TBXAS1: variants seen among roughly 807,000 people sequenced by gnomAD.
TBXAS1 encodes the protein thromboxane-A synthase.
In TBXAS1, 48 loss-of-function variants were observed where a neutral mutation model predicts 60.7. That is an observed-to-expected ratio of 0.79 (90% CI 0.63 to 1.01). The LOEUF is 1.01. Among genes scored for constraint, TBXAS1 ranks in the 50% least tolerant of loss-of-function variants. The pLI is 0.00. For synonymous variants in TBXAS1, 287 were observed against 269.7 expected (o/e 1.06, Z -0.63); for missense variants, 685 against 686.3 (o/e 1.00, Z 0.02).
chr7:139,860,954 A>G (rs1800916750), intron 1 of TBXAS1, among the ~76,000 whole-genome samples: 1 of 152,160 alleles, frequency 6.6e-6, no homozygotes, highest in Admixed American at 6.5e-5. Context: ...TGGGCGGATC[A>G]CCTGAGGTCA....
intron 1 of TBXAS1, among the ~76,000 whole-genome samples, chr7:139,863,365 C>T (rs1425503083): frequency 6.6e-6 from 1 of 152,100 alleles, no homozygotes; most frequent in Non-Finnish European, 1.5e-5. Context: ...GAGTAGTCTT[C>T]TATTTTTTTT....
At chr7:139,930,493 C>T (rs190849388) in intron 4 of TBXAS1, among the ~76,000 whole-genome samples, 1 of 152,304 alleles carries the variant, frequency 6.6e-6, no homozygotes, top group Admixed American at 6.5e-5. Flanking sequence ...GGTCAGCTCT[C>T]AAAGTCACAT....
At chr7:139,874,854 G>A (rs1802103373) in intron 2 of TBXAS1, among the ~76,000 whole-genome samples, 2 of 152,188 alleles carry the variant, frequency 1.3e-5, no homozygotes, top group Non-Finnish European at 2.9e-5. Context: ...CAGCACTTTG[G>A]GAGGCCAAGG....
rs879520998 is a variant in TBXAS1 at position 139,996,133 on chromosome 7, A to AT, written c.1135-10942dup. Among the ~76,000 whole-genome samples, 1,160 of 136,156 alleles carry AT rather than the reference A, an allele frequency of 8.5e-3. 8 individuals carry two copies. The highest frequency in any genetic ancestry group is 0.025 in the African/African-American group (917 of 36,926). 89.3% of individuals were successfully genotyped at this position (136,156 alleles called of 152,430 possible). ...ACAGGTGCACACCACCATGTCTGGC[A>AT]TTTTTTTTTTTTTTTTAGAGATGGG... On this transcript the variant is annotated intron_variant, in intron 9 of 12. Transcript: ENST00000448866.
chr7:139,937,987 T>C (rs1275828269), intron 5 of TBXAS1, among the ~76,000 whole-genome samples: 3 of 152,150 alleles, frequency 2.0e-5, no homozygotes, highest in Non-Finnish European at 2.9e-5. Flanking sequence ...TGGAACCAAC[T>C]GAGGTATGGA....
chr7:139,800,182 T>G (rs1461554033), intron 4 of TBXAS1, among the ~76,000 whole-genome samples: 1 of 152,176 alleles, frequency 6.6e-6, no homozygotes, highest in Non-Finnish European at 1.5e-5. Flanking sequence ...CAATCCATTT[T>G]CTACACAGTG....
chr7:139,971,224 A>T lies in TBXAS1; in HGVS notation c.1134+8991A>T, dbSNP rs1314105814. 2.0e-5 allele frequency among the ~76,000 whole-genome samples: 3 copies of T among 152,114 alleles called. No individual in the cohort carries two copies. In the East Asian group the frequency reaches 5.8e-4, roughly 29 times the overall value. ...ATCAGGCAAAGGGAGGAAAAGTTGC[A>T]TCCTGACCACTAATATCAGAAAGGC... On this transcript the variant is annotated intron_variant, in intron 9 of 12. Transcript: ENST00000448866.
intron 4 of TBXAS1, among the ~76,000 whole-genome samples, chr7:139,816,738 T>A (rs1310323807): frequency 2.6e-5 from 4 of 152,222 alleles, no homozygotes; most frequent in Non-Finnish European, 5.9e-5. Flanking sequence ...TTTGCTGAAG[T>A]TGAACTACTG....
intron 3 of TBXAS1, among the ~76,000 whole-genome samples, chr7:139,904,033 A>T (rs781024742): frequency 6.6e-6 from 1 of 152,066 alleles, no homozygotes; most frequent in Non-Finnish European, 1.5e-5. Flanking sequence ...TGTCTAAACC[A>T]ATGTCTAGAA....
intron 10 of TBXAS1, among the ~76,000 whole-genome samples, chr7:140,007,995 C>T (rs907223342): frequency 3.3e-5 from 5 of 152,178 alleles, no homozygotes; most frequent in African/African-American, 7.2e-5. Context: ...CAGACCCCTA[C>T]AGAGAGTGAA....
intron 3 of TBXAS1, among the ~76,000 whole-genome samples, chr7:139,879,344 G>T (rs1014899462): frequency 6.6e-6 from 1 of 152,148 alleles, no homozygotes; most frequent in Non-Finnish European, 1.5e-5. Flanking sequence ...GAGGACTGGC[G>T]TGGATACCTA....
At chr7:139,979,767 A>AATAAT (rs929654751) in intron 9 of TBXAS1, among the ~76,000 whole-genome samples, 10 of 142,914 alleles carry the variant, frequency 7.0e-5, no homozygotes, top group African/African-American at 2.4e-4. Flanking sequence ...TAATAATAAT[A>AATAAT]AATAAATAGC....
chr7:139,861,260 G>T (rs1180107698), intron 1 of TBXAS1, among the ~76,000 whole-genome samples: 1 of 151,924 alleles, frequency 6.6e-6, no homozygotes, highest in Admixed American at 6.6e-5. Context: ...TATAGACAGG[G>T]TCTCGCTCTG....
intron 2 of TBXAS1, among the ~76,000 whole-genome samples, chr7:139,781,774 G>T (rs946791472): frequency 1.5e-5 from 2 of 133,076 alleles, no homozygotes; most frequent in African/African-American, 3.2e-5. Context: ...GGCAGAGGTT[G>T]CAGTGAGCCG....
intron 1 of TBXAS1, among the ~76,000 whole-genome samples, chr7:139,867,449 C>A (rs1801503993): frequency 6.6e-6 from 1 of 152,142 alleles, no homozygotes; most frequent in Non-Finnish European, 1.5e-5. Flanking sequence ...ATATGTGATT[C>A]ATCAAAATAC....
intron 1 of TBXAS1, among the ~76,000 whole-genome samples, chr7:139,867,510 G>A (rs1801507508): frequency 6.6e-6 from 1 of 152,178 alleles, no homozygotes; most frequent in Non-Finnish European, 1.5e-5. Flanking sequence ...AAGCACCCAT[G>A]TTGAATCCAT....
intron 3 of TBXAS1, among the ~76,000 whole-genome samples, chr7:139,900,670 T>C (rs1485017677): frequency 1.3e-5 from 2 of 152,212 alleles, no homozygotes; most frequent in Admixed American, 6.5e-5. Context: ...AAGTTTGGAC[T>C]CTATATTGTG....
At chr7:139,824,537 C>T (rs1027908953), upstream of TBXAS1, among the ~76,000 whole-genome samples, 3 of 152,208 alleles carry the variant, frequency 2.0e-5, no homozygotes, top group Admixed American at 1.3e-4. Context: ...AATTACAACA[C>T]GTCTGTACAG....
chr7:139,863,844 A>C (rs1257750225), intron 1 of TBXAS1, among the ~76,000 whole-genome samples: 1 of 152,224 alleles, frequency 6.6e-6, no homozygotes, highest in East Asian at 1.9e-4. Context: ...TGCTTTCAAA[A>C]GATAAATAAA....
Sources: gnomAD v4.1 joint callset for allele counts (sites outside exome capture counted in the v4.1 genomes callset) on GRCh38, gnomAD v4.1.1 for gene constraint, MANE v1.5 for transcripts, NCBI Gene and HGNC (gene_info 2026-07-23, HGNC 2026-07-21) for gene names.